The following RBM41 variants were observed in gnomAD, a reference collection of about 807,000 sequenced individuals.
The protein encoded by RBM41 is RNA-binding protein 41.
A neutral mutation model predicts 30.8 loss-of-function variants in RBM41; 14 were observed. The ratio of observed to expected loss-of-function variants is 0.45; its 90% CI spans 0.30 to 0.71. The LOEUF is 0.71. Among genes scored for constraint, RBM41 ranks in the 30% least tolerant of loss-of-function variants. The probability of loss-of-function intolerance (pLI) is 0.08; values close to 1 mark genes in which losing one functional copy is unlikely to be tolerated. For missense variants in RBM41, 276 were observed against 326.3 expected (o/e 0.85, Z 1.19); for synonymous variants, 120 against 110.1 (o/e 1.09, Z -0.56).
intron 6 of RBM41, among the ~76,000 whole-genome samples, chrX:107,074,205 T>C (rs1314179366): frequency 8.9e-6 from 1 of 111,837 alleles, no homozygotes; most frequent in African/African-American, 3.2e-5. Flanking sequence ...ATATATTATA[T>C]GTATCGAAAC....
Position 107,106,152 on chromosome X carries a change from C to G in RBM41, c.595+7245G>C, listed in dbSNP as rs1486198478. Among the ~76,000 whole-genome samples, 7 of 111,288 alleles carry G rather than the reference C, an allele frequency of 6.3e-5. No individual in the cohort carries two copies. In the East Asian group the frequency reaches 1.7e-3, roughly 27 times the overall value. Reference sequence around the variant, plus strand: ...AGGGCTAATATCCAGAATCTACAAACAACTCAAACAAATTTACAAGAAAAA... The same window carrying G: ...AGGGCTAATATCCAGAATCTACAAAGAACTCAAACAAATTTACAAGAAAAA... On this transcript the variant is annotated intron_variant, in intron 5 of 7. Coordinates refer to ENST00000685964, the MANE Select transcript of RBM41 (RefSeq NM_001324242.2).
chrX:107,109,397 T>A (rs549348318), intron 5 of RBM41, among the ~76,000 whole-genome samples: 1 of 111,835 alleles, frequency 8.9e-6, no homozygotes, highest in Admixed American at 9.5e-5. Context: ...CACAAATAGA[T>A]TAAAAGCAAA....
At chrX:107,071,454 A>G (rs970616020) in intron 6 of RBM41, among the ~76,000 whole-genome samples, 1 of 111,671 alleles carries the variant, frequency 9.0e-6, no homozygotes, top group African/African-American at 3.3e-5. Context: ...CAAAAACATT[A>G]TAAGAAAAAT....
intron 5 of RBM41, among the ~76,000 whole-genome samples, chrX:107,106,582 C>T (rs767877406): frequency 7.2e-5 from 8 of 111,168 alleles, no homozygotes; most frequent in East Asian, 5.7e-4. Flanking sequence ...ATGTTTATTG[C>T]GGCACTATTC....
At chrX:107,098,988 C>A (rs1923218806) in intron 5 of RBM41, among the ~76,000 whole-genome samples, 1 of 108,939 alleles carries the variant, frequency 9.2e-6, no homozygotes, top group South Asian at 4.1e-4. Flanking sequence ...GGGGAAGACT[C>A]TTTGTCTCAG....
At chrX:107,091,611 T>C (rs1922545732) in intron 5 of RBM41, among the ~76,000 whole-genome samples, 1 of 112,199 alleles carries the variant, frequency 8.9e-6, no homozygotes, top group Non-Finnish European at 1.9e-5. Flanking sequence ...GTCCCCTTTA[T>C]CCCATTCCCT....
At chrX:107,112,950 T>C (rs1052156520) in intron 5 of RBM41, 9 of 303,551 alleles carry the variant, frequency 3.0e-5, no homozygotes, top group African/African-American at 2.2e-4. Context: ...TTCTTGATTG[T>C]GGTGGTGGTT....
rs1935866273 is a variant in RBM41, at chrX:107,067,028, C to CAA, written c.*498_*499insTT. 1 of 748,011 alleles carries CAA rather than the reference C, an allele frequency of 1.3e-6. No homozygotes were observed. The highest frequency in any genetic ancestry group is 6.9e-5 in the South Asian group (1 of 14,550). The allele number at this position is 748,011 out of a possible 1,213,427, so 61.6% of individuals were successfully genotyped here. ...TGACTTATGAAACTACCTACTATTACTGCTGATAGTTCTGACTTAATAGCA... is the reference window on the plus strand; with the variant it reads ...TGACTTATGAAACTACCTACTATTACAATGCTGATAGTTCTGACTTAATAGCA... On this transcript the variant is annotated 3_prime_UTR_variant, in exon 8 of 8. Transcript: ENST00000685964.
intron 1 of RBM41, among the ~76,000 whole-genome samples, chrX:107,117,899 GTA>G (rs1427374606): frequency 9.0e-6 from 1 of 111,172 alleles, no homozygotes; most frequent in Non-Finnish European, 1.9e-5. Flanking sequence ...TCTTTAAGCT[GTA>G]TATATACATT....
downstream of RBM41, among the ~76,000 whole-genome samples, chrX:107,060,972 A>G (rs1037071780): frequency 1.8e-5 from 2 of 111,618 alleles, no homozygotes; most frequent in Non-Finnish European, 3.8e-5. Context: ...TGGCATTCTC[A>G]CCAAAAACAC....
chrX:107,054,081 A>C, the RBM41 span, among the ~76,000 whole-genome samples: 1 of 110,008 alleles, frequency 9.1e-6, no homozygotes, highest in Non-Finnish European at 1.9e-5. Context: ...GTGCAGTGAG[A>C]GCGAAAGGGG....
Position 107,081,226 on chromosome X carries a change from T to TA in RBM41, c.999+7209_999+7210insT, listed in dbSNP as rs1309128118. On this transcript the variant is annotated intron_variant, in intron 6 of 7. Coordinates refer to ENST00000685964, the MANE Select transcript of RBM41 (RefSeq NM_001324242.2). ...AAGGTTTGTATCTAGATTCATTTTT[T>TA]TTTTACATGTGGCTATTCAGTTGTT... Among the ~76,000 whole-genome samples, 254 of 111,638 alleles carry TA rather than the reference T, an allele frequency of 2.3e-3. 2 individuals carry two copies. Among genetic ancestry groups the TA allele is most frequent in the Non-Finnish European group, 3.9e-3 (207 of 53,010 alleles).
chrX:107,075,074 G>A (rs1936183611), intron 6 of RBM41, among the ~76,000 whole-genome samples: 1 of 111,680 alleles, frequency 9.0e-6, no homozygotes, highest in Non-Finnish European at 1.9e-5. Flanking sequence ...ATAGGCCAAT[G>A]GAACCAATTT....
At chrX:107,091,057 G>A (rs887063494) in intron 5 of RBM41, among the ~76,000 whole-genome samples, 2 of 110,708 alleles carry the variant, frequency 1.8e-5, no homozygotes, top group African/African-American at 6.6e-5. Context: ...AGAACATGCG[G>A]TGTTTGGTTT....
chrX:107,077,141 AT>A (rs941151780), intron 6 of RBM41, among the ~76,000 whole-genome samples: 1 of 111,101 alleles, frequency 9.0e-6, no homozygotes, highest in African/African-American at 3.3e-5. Flanking sequence ...TTTGATATGA[AT>A]TTTTTTGAGA....
At chrX:107,105,470 T>C (rs1923882188) in intron 5 of RBM41, among the ~76,000 whole-genome samples, 1 of 107,460 alleles carries the variant, frequency 9.3e-6, no homozygotes, top group Non-Finnish European at 1.9e-5. Flanking sequence ...TTCAATGCCA[T>C]CCCCATCAAG....
chrX:107,106,862 C>T (rs1243462956), intron 5 of RBM41, among the ~76,000 whole-genome samples: 2 of 93,240 alleles, frequency 2.1e-5, no homozygotes, highest in Non-Finnish European at 4.0e-5. Context: ...TACACCGGGG[C>T]CTGTTGTGGG....
At chrX:107,115,803 T>C (rs1924836496) in intron 3 of RBM41, 59 bp downstream of exon 3, 2 of 1,099,301 alleles carry the variant, frequency 1.8e-6, no homozygotes, top group East Asian at 6.2e-5. Flanking sequence ...AAAATGAAGA[T>C]ATTTTGCTCT....
chrX:107,059,398 T>C (rs1173938905), downstream of RBM41, among the ~76,000 whole-genome samples: 4 of 110,309 alleles, frequency 3.6e-5, no homozygotes, highest in Non-Finnish European at 7.6e-5. Context: ...CATGTGGGGG[T>C]TAATACCTAG....
Sources: allele counts gnomAD v4.1 joint callset (sites outside exome capture counted in the v4.1 genomes callset), GRCh38; gene constraint gnomAD v4.1.1; transcripts MANE v1.5; gene names NCBI Gene and HGNC (gene_info 2026-07-23, HGNC 2026-07-21).